GSPT1: variants seen among roughly 807,000 people sequenced by gnomAD.
GSPT1 encodes the protein G1 to S phase transition 1.
A neutral mutation model predicts 72.5 loss-of-function variants in GSPT1; 20 were observed. That is an observed-to-expected ratio of 0.28 (90% CI 0.19 to 0.40). The LOEUF (loss-of-function observed/expected upper bound fraction) is 0.40, where lower values mean the gene tolerates loss of function less well. Ranked by LOEUF, GSPT1 falls within the 10% of genes least tolerant of loss-of-function variation. GSPT1 has a pLI of 1.00. For synonymous variants in GSPT1, 334 were observed against 293.5 expected, an observed-to-expected ratio of 1.14 and a Z score of -1.41; for missense variants, 580 against 811.9, an observed-to-expected ratio of 0.71 and a Z score of 3.47.
intron 12 of GSPT1, among the ~76,000 whole-genome samples, chr16:11,876,709 C>CTCCA (rs1395738639): frequency 4.6e-5 from 7 of 152,194 alleles, no homozygotes; most frequent in African/African-American, 1.7e-4. Flanking sequence ...CGCCACTGCA[C>CTCCA]TCCAGCCTGG....
rs2054060654 is a variant in GSPT1, at chr16:11,877,281, C to T, written c.1602+126G>A. 1.6e-6 allele frequency: 1 copy of T among 629,278 alleles called. No homozygotes were observed. The highest frequency in any genetic ancestry group is 3.0e-5 in the East Asian group (1 of 33,458). The allele number at this position is 629,278 out of a possible 1,614,324, so 39.0% of individuals were successfully genotyped here. On this transcript the variant is annotated intron_variant, in intron 12 of 14. Coordinates refer to ENST00000434724, the MANE Select transcript of GSPT1 (RefSeq NM_002094.4). This position sits in a 1 kb window ranked among gnomAD's most constrained non-coding sequence, Gnocchi z 4.0. Reference sequence around the variant, plus strand: ...ATATATAAGTGGCTTATAATATTTCCATTCCCCTTCTCTACACTAAGATGG... The same window carrying T: ...ATATATAAGTGGCTTATAATATTTCTATTCCCCTTCTCTACACTAAGATGG...
chr16:11,914,607 A>G (rs868413548), intron 1 of GSPT1, among the ~76,000 whole-genome samples: 2 of 152,268 alleles, frequency 1.3e-5, no homozygotes, highest in Non-Finnish European at 2.9e-5. Flanking sequence ...ACGATTTTAC[A>G]GCAATGAAAA....
At chr16:11,896,816 G>A in intron 3 of GSPT1, 31 bp from the exon 4 acceptor site, 3 of 1,341,758 alleles carry the variant, frequency 2.2e-6, no homozygotes, top group Non-Finnish European at 3.1e-6. Context: ...TTAGTATTCT[G>A]AAAAAGACTT....
At chr16:11,900,105 G>A (rs141383013) in intron 1 of GSPT1, among the ~76,000 whole-genome samples, 3 of 152,044 alleles carry the variant, frequency 2.0e-5, no homozygotes, top group East Asian at 2.0e-4. Context: ...AGGCGGAAGC[G>A]GGGGGATCAT....
At chr16:11,909,050 A>G (rs991172588) in intron 1 of GSPT1, 4 of 152,214 alleles carry the variant, frequency 2.6e-5, no homozygotes, top group African/African-American at 9.6e-5. Flanking sequence ...CTACAGAAAT[A>G]TTCAACCAGG....
intron 1 of GSPT1, among the ~76,000 whole-genome samples, chr16:11,902,199 G>A (rs1388219698): frequency 6.6e-6 from 1 of 151,462 alleles, no homozygotes; most frequent in Non-Finnish European, 1.5e-5. Context: ...TGGCTAACAT[G>A]GTGAAACCCT....
Position 11,886,490 on chromosome 16 carries a change from C to A in GSPT1, c.1234G>T (p.Asp412Tyr). Reference sequence around the variant, plus strand: ...ACTTACATGTACCAAGGACAGAAATCCGACTGCTCTTTGAGATTTGCTCCA... The same window carrying A: ...ACTTACATGTACCAAGGACAGAAATACGACTGCTCTTTGAGATTTGCTCCA... ...LTGANLKEQSDFCPWYIGLPF... is the reference protein window; with the variant it reads ...LTGANLKEQSYFCPWYIGLPF... The change falls in exon 9 of 15, where the codon GAT (aspartate) becomes TAT (tyrosine). Residue 412 changes from aspartate to tyrosine, a missense_variant. Physicochemically the swap from Asp to Tyr is radical, Grantham distance 160. Coordinates refer to ENST00000434724, the MANE Select transcript of GSPT1 (RefSeq NM_002094.4). 6.2e-7 allele frequency: 1 copy of A among 1,612,636 alleles called. No individual in the cohort carries two copies. Among genetic ancestry groups the A allele is most frequent in the South Asian group, 1.1e-5 (1 of 90,892 alleles).
At chr16:11,893,393 A>G (rs1261109545) in intron 5 of GSPT1, among the ~76,000 whole-genome samples, 2 of 152,114 alleles carry the variant, frequency 1.3e-5, no homozygotes, top group Non-Finnish European at 2.9e-5. Flanking sequence ...CCAAAATGCT[A>G]GGATTACAGA....
At chr16:11,899,613 G>C (rs1290561656) in intron 1 of GSPT1, among the ~76,000 whole-genome samples, 1 of 152,168 alleles carries the variant, frequency 6.6e-6, no homozygotes, top group Non-Finnish European at 1.5e-5. Flanking sequence ...TTTGAACCTG[G>C]TTTGGAAGGA....
At chr16:11,882,510 G>C (rs2054133714) in intron 11 of GSPT1, 2 of 152,806 alleles carry the variant, frequency 1.3e-5, no homozygotes, top group African/African-American at 2.4e-5. Flanking sequence ...AGTTAGCATG[G>C]TAAATAAATT....
At chr16:11,897,412 C>T (rs1329713877) in intron 3 of GSPT1, among the ~76,000 whole-genome samples, 1 of 152,068 alleles carries the variant, frequency 6.6e-6, no homozygotes, top group African/African-American at 2.4e-5. Flanking sequence ...TGGTGAAACC[C>T]CGCCTCTACT....
intron 14 of GSPT1, among the ~76,000 whole-genome samples, chr16:11,875,324 A>G (rs2054034410): frequency 1.3e-5 from 2 of 152,178 alleles, no homozygotes; most frequent in Non-Finnish European, 2.9e-5. Context: ...TGACCCCAAG[A>G]TGGGAATGTT....
At chr16:11,912,074 C>CAGT (rs2054566600) in intron 1 of GSPT1, among the ~76,000 whole-genome samples, 1 of 76,842 alleles carries the variant, frequency 1.3e-5, no homozygotes, top group African/African-American at 8.1e-5. Flanking sequence ...AGGCCAGGCG[C>CAGT]GGTCACACCT....
intron 7 of GSPT1, 102 bp from the exon 8 acceptor site, chr16:11,887,033 T>TG: frequency 1.0e-6 from 1 of 960,774 alleles, no homozygotes; most frequent in South Asian, 1.7e-5. Flanking sequence ...TTTTTTTTTT[T>TG]TTTTTGCAAG....
chr16:11,900,902 C>G (rs2054397496), intron 1 of GSPT1, among the ~76,000 whole-genome samples: 1 of 152,174 alleles, frequency 6.6e-6, no homozygotes, highest in Non-Finnish European at 1.5e-5. Flanking sequence ...TGGCTCACAC[C>G]TGTAGTCCTA....
At chr16:11,879,624 T>C (rs2054094866) in intron 11 of GSPT1, among the ~76,000 whole-genome samples, 1 of 150,972 alleles carries the variant, frequency 6.6e-6, no homozygotes, top group Non-Finnish European at 1.5e-5. Context: ...TCCCAGCTAC[T>C]TGGGAGGCTG....
intron 14 of GSPT1, among the ~76,000 whole-genome samples, chr16:11,873,916 A>G (rs566202392): frequency 8.4e-4 from 128 of 152,338 alleles, no homozygotes; most frequent in African/African-American, 2.9e-3. Context: ...TAAAAATAAG[A>G]AAAGGGAATA....
At chr16:11,901,140 G>A (rs1162934457) in intron 1 of GSPT1, among the ~76,000 whole-genome samples, 2 of 151,972 alleles carry the variant, frequency 1.3e-5, no homozygotes, top group African/African-American at 4.8e-5. Context: ...CTGGGCGAGA[G>A]AGTGACACCC....
At chr16:11,915,957 G>C, upstream of GSPT1, 2 of 734,540 alleles carry the variant, frequency 2.7e-6, no homozygotes, top group South Asian at 1.4e-5. Flanking sequence ...GTGTGTGAGC[G>C]GATCTCCTCC....
Sources: gnomAD v4.1 joint callset for allele counts (sites outside exome capture counted in the v4.1 genomes callset) on GRCh38, gnomAD v4.1.1 for gene constraint, Gnocchi (gnomAD v3.1) non-coding constraint, MANE v1.5 for transcripts, NCBI Gene and HGNC (gene_info 2026-07-23, HGNC 2026-07-21) for gene names.